Variants in DLGAP2 observed in about 807,000 individuals in gnomAD.
DLGAP2 encodes the protein DLG associated protein 2.
Under a neutral mutation model 100.3 loss-of-function variants are expected in DLGAP2, and 26 were observed. The ratio of observed to expected loss-of-function variants is 0.26; its 90% CI spans 0.19 to 0.36. The LOEUF (loss-of-function observed/expected upper bound fraction) is 0.36. Among genes scored for constraint, DLGAP2 ranks in the 10% least tolerant of loss-of-function variants. The pLI is 1.00. For synonymous variants in DLGAP2, 886 were observed against 630.1 expected (o/e 1.41, Z -6.08); for missense variants, 1,858 against 1,453.2 (o/e 1.28, Z -4.53).
At chr8:867,487 G>A (rs1229912858) in intron 1 of DLGAP2, among the ~76,000 whole-genome samples, 1 of 152,226 alleles carries the variant, frequency 6.6e-6, no homozygotes, top group Non-Finnish European at 1.5e-5. Flanking sequence ...ACCCAAACTA[G>A]TTGAGAACAA....
Position 1,701,430 on chromosome 8 carries a change from T to G in DLGAP2, c.*24T>G. The G allele has an allele frequency of 6.4e-7, 1 of 1,557,176 alleles. No homozygotes were observed. The highest frequency in any genetic ancestry group is 1.4e-5 in the African/African-American group (1 of 73,386). On this transcript the variant is annotated 3_prime_UTR_variant, in exon 15 of 15. Transcript: ENST00000637795. ...GAGGGCGGAGGCCGGCGCCTTCCCC[T>G]CGTCGCTTCCGCTTTCCCGGACGCT...
At chr8:1,597,507 A>G (rs1796496950) in intron 6 of DLGAP2, among the ~76,000 whole-genome samples, 1 of 152,082 alleles carries the variant, frequency 6.6e-6, no homozygotes. Flanking sequence ...TGATCATGGA[A>G]TGTTTTTCCA....
At chr8:1,360,786 A>G (rs1489505502) in intron 3 of DLGAP2, among the ~76,000 whole-genome samples, 1 of 152,120 alleles carries the variant, frequency 6.6e-6, no homozygotes, top group African/African-American at 2.4e-5. Context: ...GTGGCCTGAC[A>G]CGGTTGCCCA....
At chr8:759,278 C>G (rs1242159522) in intron 1 of DLGAP2, among the ~76,000 whole-genome samples, 1 of 150,882 alleles carries the variant, frequency 6.6e-6, no homozygotes, top group Non-Finnish European at 1.5e-5. Context: ...CCACAGCCTC[C>G]CCATTATCAA....
chr8:838,910 A>G (rs1796931611), intron 1 of DLGAP2, among the ~76,000 whole-genome samples: 1 of 152,218 alleles, frequency 6.6e-6, no homozygotes, highest in East Asian at 1.9e-4. Context: ...TGAAATGGCG[A>G]GGTGCTGCCT....
At chr8:1,005,722 A>T (rs953540084) in intron 2 of DLGAP2, among the ~76,000 whole-genome samples, 1 of 151,982 alleles carries the variant, frequency 6.6e-6, no homozygotes, top group Non-Finnish European at 1.5e-5. Flanking sequence ...TCCTAGCCCT[A>T]CATCCCCAGT....
At chr8:914,244 G>T (rs373650281) in intron 2 of DLGAP2, among the ~76,000 whole-genome samples, 1 of 151,990 alleles carries the variant, frequency 6.6e-6, no homozygotes, top group Non-Finnish European at 1.5e-5. Flanking sequence ...GAAGGCAGAT[G>T]CCCCGGAGCC....
chr8:1,111,119 G>T (rs1469876939), intron 2 of DLGAP2, among the ~76,000 whole-genome samples: 1 of 152,224 alleles, frequency 6.6e-6, no homozygotes, highest in East Asian at 1.9e-4. Context: ...GCCTTACCAA[G>T]CCCAGAACAT....
At chr8:825,232 G>A (rs1051679168) in intron 1 of DLGAP2, among the ~76,000 whole-genome samples, 24 of 152,198 alleles carry the variant, frequency 1.6e-4, no homozygotes, top group African/African-American at 3.6e-4. Flanking sequence ...TGAGAACCAA[G>A]TACCTGTGGT....
intron 3 of DLGAP2, among the ~76,000 whole-genome samples, chr8:1,260,119 T>G (rs1296866095): frequency 1.3e-5 from 2 of 152,158 alleles, no homozygotes; most frequent in South Asian, 4.1e-4. Context: ...AGAGGCCGCC[T>G]GTGATGGGAA....
At chr8:1,104,063 C>T (rs1195623273) in intron 2 of DLGAP2, among the ~76,000 whole-genome samples, 11 of 152,212 alleles carry the variant, frequency 7.2e-5, no homozygotes, top group Non-Finnish European at 1.5e-5. Context: ...GGCTCGTCTT[C>T]ACGCATGAAT....
intron 2 of DLGAP2, among the ~76,000 whole-genome samples, chr8:1,202,903 A>G (rs904484053): frequency 1.3e-5 from 2 of 152,162 alleles, no homozygotes; most frequent in African/African-American, 4.8e-5. Context: ...ACGCCTCTTC[A>G]AGGCGCACGC....
rs187095018 is a variant in DLGAP2 at position 887,003 on chromosome 8, A to C, written c.19-20909A>C. On this transcript the variant is annotated intron_variant, in intron 1 of 14. Transcript: ENST00000637795. ...TCCCACTATTGTTGTGTGGGAGTCT[A>C]AGTCTCCTTGTAGGTCTCTAAGAAC... 1.2e-3 allele frequency among the ~76,000 whole-genome samples: 182 copies of C among 152,302 alleles called. 1 individual carries two copies. The highest frequency in any genetic ancestry group is 1.1e-3 in the Non-Finnish European group (76 of 68,022).
At chr8:1,531,379 A>G (rs1045103984) in intron 4 of DLGAP2, among the ~76,000 whole-genome samples, 11 of 152,272 alleles carry the variant, frequency 7.2e-5, no homozygotes, top group African/African-American at 2.6e-4. Context: ...ATTACTTGCT[A>G]AAAGGACCTG....
intron 2 of DLGAP2, among the ~76,000 whole-genome samples, chr8:1,077,667 A>T (rs1244523405): frequency 1.3e-5 from 2 of 152,170 alleles, no homozygotes; most frequent in African/African-American, 2.4e-5. Flanking sequence ...TAACATCTCT[A>T]AGTTTTATAC....
chr8:1,494,734 A>T (rs931215431), intron 3 of DLGAP2, among the ~76,000 whole-genome samples: 10 of 152,182 alleles, frequency 6.6e-5, no homozygotes, highest in Admixed American at 5.9e-4. Context: ...TCTAAAAAAA[A>T]AAGGAAAGAA....
At chr8:778,589 T>G (rs1017492447) in intron 1 of DLGAP2, among the ~76,000 whole-genome samples, 20 of 152,142 alleles carry the variant, frequency 1.3e-4, no homozygotes, top group Non-Finnish European at 7.4e-5. Flanking sequence ...CTGCAGGTCT[T>G]TTGGAGTACC....
At chr8:1,366,901 C>T (rs1802121097) in intron 3 of DLGAP2, among the ~76,000 whole-genome samples, 1 of 152,160 alleles carries the variant, frequency 6.6e-6, no homozygotes, top group Admixed American at 6.5e-5. Flanking sequence ...CTCCAACACA[C>T]ATGCATGTGA....
At chr8:1,485,801 G>T (rs375447463) in intron 3 of DLGAP2, among the ~76,000 whole-genome samples, 7 of 152,312 alleles carry the variant, frequency 4.6e-5, no homozygotes, top group African/African-American at 1.4e-4. Context: ...GAGGCAGATG[G>T]ATCACTTGAA....
Sources: gnomAD v4.1 joint callset for allele counts (sites outside exome capture counted in the v4.1 genomes callset) on GRCh38, gnomAD v4.1.1 for gene constraint, MANE v1.5 for transcripts, NCBI Gene and HGNC (gene_info 2026-07-23, HGNC 2026-07-21) for gene names.